FAM13A: variants seen among roughly 807,000 people sequenced by gnomAD.
The protein encoded by FAM13A is family with sequence similarity 13 member A, also known as protein FAM13A.
Under a neutral mutation model 129.6 loss-of-function variants are expected in FAM13A, and 76 were observed. That is an observed-to-expected ratio of 0.59 (90% CI 0.49 to 0.71). The LOEUF is 0.71. Among genes scored for constraint, FAM13A ranks in the 30% least tolerant of loss-of-function variants. The probability of loss-of-function intolerance (pLI) is 0.00; values close to 1 mark genes in which losing one functional copy is unlikely to be tolerated. For missense variants in FAM13A, 1,108 were observed against 1,249.3 expected (o/e 0.89, Z 1.70); for synonymous variants, 443 against 449.9 (o/e 0.98, Z 0.20).
At chr4:88,979,090 A>G (rs1190543082) in intron 4 of FAM13A, among the ~76,000 whole-genome samples, 9 of 152,234 alleles carry the variant, frequency 5.9e-5, no homozygotes, top group Non-Finnish European at 1.2e-4. Flanking sequence ...AAAGAACTAC[A>G]TGGGAAAATA....
chr4:88,876,793 A>G lies in FAM13A; in HGVS notation c.844-25610T>C, dbSNP rs560137374. ...TTTTTAGTAGAGATGGGGTTTCACC[A>G]TGTTAGCCAGGATGGTCTCGATTTC... On this transcript the variant is annotated intron_variant, in intron 6 of 23. Coordinates refer to ENST00000264344, the MANE Select transcript of FAM13A (RefSeq NM_014883.4). Among the ~76,000 whole-genome samples, 1,146 of 152,152 alleles carry G rather than the reference A, an allele frequency of 7.5e-3. 3 individuals carry two copies. The highest frequency in any genetic ancestry group is 0.011 in the Non-Finnish European group (755 of 67,990).
chr4:89,025,370 T>C (rs928544848), intron 2 of FAM13A, among the ~76,000 whole-genome samples: 8 of 147,236 alleles, frequency 5.4e-5, no homozygotes, highest in African/African-American at 2.0e-4. Flanking sequence ...GTTCACGCCA[T>C]TCTCCTGCCT....
At position 89,030,368 on chromosome 4, in the gene FAM13A, C is replaced by T. The variant is rs191180666; in HGVS notation, c.28-719G>A. Among the ~76,000 whole-genome samples the T allele has an allele frequency of 2.5e-3, 376 of 151,920 alleles. 1 individual carries two copies. The highest frequency in any genetic ancestry group is 8.6e-3 in the African/African-American group (356 of 41,464). Reference sequence around the variant, plus strand: ...AAAAATTCATAAGAGTTTGTTTCTTCCTTGTAATAAAAATCTGCATCCAAG... The same window carrying T: ...AAAAATTCATAAGAGTTTGTTTCTTTCTTGTAATAAAAATCTGCATCCAAG... On this transcript the variant is annotated intron_variant, in intron 1 of 23. Transcript: ENST00000264344.
chr4:88,774,494 A>G (rs954919750), intron 11 of FAM13A, among the ~76,000 whole-genome samples: 1 of 152,080 alleles, frequency 6.6e-6, no homozygotes, highest in Admixed American at 6.6e-5. Flanking sequence ...ATTTGATACC[A>G]CCCAGAAAAT....
intron 3 of FAM13A, among the ~76,000 whole-genome samples, chr4:89,006,674 C>A (rs549076919): frequency 6.6e-6 from 1 of 152,298 alleles, no homozygotes; most frequent in Non-Finnish European, 1.5e-5. Context: ...TACACCCTGC[C>A]CTCTTGGTAC....
At chr4:89,026,756 G>A (rs183349191) in intron 2 of FAM13A, among the ~76,000 whole-genome samples, 9 of 152,194 alleles carry the variant, frequency 5.9e-5, no homozygotes, top group Admixed American at 3.3e-4. Context: ...CCCTTGACAC[G>A]TGGGGATTGG....
At chr4:88,880,642 T>C (rs951638942) in intron 6 of FAM13A, among the ~76,000 whole-genome samples, 3 of 152,004 alleles carry the variant, frequency 2.0e-5, no homozygotes, top group Non-Finnish European at 4.4e-5. Context: ...ACAGAAGCCA[T>C]GGCAGGTGGG....
At chr4:88,889,670 T>C (rs995341157) in intron 6 of FAM13A, among the ~76,000 whole-genome samples, 2 of 152,204 alleles carry the variant, frequency 1.3e-5, no homozygotes, top group African/African-American at 4.8e-5. Context: ...TTCTGTGCTG[T>C]GGCGGTTATG....
chr4:88,962,948 T>C (rs1334342899), intron 4 of FAM13A, among the ~76,000 whole-genome samples: 1 of 134,006 alleles, frequency 7.5e-6, no homozygotes, highest in Non-Finnish European at 1.6e-5. Context: ...GTAGCATGTA[T>C]GAATATTTCC....
chr4:88,955,803 C>T (rs558250865), intron 4 of FAM13A, among the ~76,000 whole-genome samples: 5 of 152,048 alleles, frequency 3.3e-5, no homozygotes, highest in Admixed American at 3.3e-4. Flanking sequence ...GAGCTTTGAA[C>T]TTGAGAGAGA....
intron 11 of FAM13A, among the ~76,000 whole-genome samples, chr4:88,772,318 A>T (rs926058324): frequency 6.6e-6 from 1 of 152,210 alleles, no homozygotes; most frequent in African/African-American, 2.4e-5. Flanking sequence ...TTAAAATTGT[A>T]TAAGCGCATT....
intron 1 of FAM13A, among the ~76,000 whole-genome samples, chr4:89,035,625 G>A (rs1366451528): frequency 6.6e-6 from 1 of 152,094 alleles, no homozygotes; most frequent in African/African-American, 2.4e-5. Flanking sequence ...AATCTCCAAT[G>A]TTAGAGGAAG....
At chr4:88,990,903 A>G in intron 4 of FAM13A, 70 bp downstream of exon 4, 1 of 1,169,616 alleles carries the variant, frequency 8.5e-7, no homozygotes, top group Non-Finnish European at 1.3e-6. Context: ...TCTACATCCC[A>G]GTAATTTCAG....
chr4:88,818,608 T>C (rs1006251329), intron 7 of FAM13A, among the ~76,000 whole-genome samples: 17 of 152,202 alleles, frequency 1.1e-4, no homozygotes, highest in African/African-American at 3.4e-4. Context: ...TAAACCATCA[T>C]GTGAGAACAG....
chr4:88,832,246 T>A (rs1478743074), intron 7 of FAM13A, among the ~76,000 whole-genome samples: 1 of 152,150 alleles, frequency 6.6e-6, no homozygotes, highest in Non-Finnish European at 1.5e-5. Context: ...TCAAGATGGA[T>A]TAAATATTTA....
At chr4:88,894,838 T>C (rs1746013280) in intron 6 of FAM13A, among the ~76,000 whole-genome samples, 1 of 152,184 alleles carries the variant, frequency 6.6e-6, no homozygotes, top group Non-Finnish European at 1.5e-5. Flanking sequence ...AATTTTTCAA[T>C]AGTGTTAATT....
chr4:88,945,988 GTGTATATATATATATATATA>G (rs1156437729), intron 4 of FAM13A, among the ~76,000 whole-genome samples: 46 of 13,652 alleles, frequency 3.4e-3, no homozygotes, highest in Admixed American at 0.02. Flanking sequence ...GTGTGTGTGT[GTGTATATATATATATATATA>G]TATATATATA....
At chr4:88,997,060 A>C (rs1027417346) in intron 3 of FAM13A, among the ~76,000 whole-genome samples, 5 of 152,164 alleles carry the variant, frequency 3.3e-5, no homozygotes, top group African/African-American at 1.2e-4. Flanking sequence ...ATAGAAGAAA[A>C]AGCTCCTTTA....
intron 4 of FAM13A, among the ~76,000 whole-genome samples, chr4:88,944,761 G>C (rs926454696): frequency 3.9e-5 from 6 of 152,074 alleles, no homozygotes; most frequent in African/African-American, 1.4e-4. Flanking sequence ...AAATTAGCTG[G>C]GCATGGTGGT....
Sources: gnomAD v4.1 joint callset for allele counts (sites outside exome capture counted in the v4.1 genomes callset) on GRCh38, gnomAD v4.1.1 for gene constraint, MANE v1.5 for transcripts, NCBI Gene and HGNC (gene_info 2026-07-23, HGNC 2026-07-21) for gene names.